KLF8: variants seen among roughly 807,000 people sequenced by gnomAD.
The protein encoded by KLF8 is KLF transcription factor 8.
Under a neutral mutation model 18.2 loss-of-function variants are expected in KLF8, and 10 were observed. The ratio of observed to expected loss-of-function variants is 0.55; its 90% CI spans 0.34 to 0.93. KLF8 has a LOEUF of 0.93. Among genes scored for constraint, KLF8 ranks in the 40% least tolerant of loss-of-function variants. The pLI, the probability that KLF8 is intolerant of heterozygous loss-of-function variation, is 0.02. For synonymous variants in KLF8, 109 were observed against 97.3 expected, an observed-to-expected ratio of 1.12 and a Z score of -0.71; for missense variants, 264 against 277.9, an observed-to-expected ratio of 0.95 and a Z score of 0.36.
chrX:56,168,686 C>T, the KLF8 span, among the ~76,000 whole-genome samples: 2 of 101,945 alleles, frequency 2.0e-5, no homozygotes, highest in African/African-American at 7.2e-5. Context: ...TGTGATGTTC[C>T]CTGTCTTGTG....
the KLF8 span, among the ~76,000 whole-genome samples, chrX:56,016,415 A>G: frequency 7.2e-5 from 8 of 111,701 alleles, no homozygotes; most frequent in Non-Finnish European, 1.5e-4. Context: ...AAATGTAATA[A>G]CTCCTGGTGA....
At chrX:55,977,409 T>C in the KLF8 span, among the ~76,000 whole-genome samples, 1 of 111,589 alleles carries the variant, frequency 9.0e-6, no homozygotes, top group Admixed American at 9.6e-5. Context: ...TTATTTATAA[T>C]TTTATTTATT....
At chrX:56,078,476 A>C in the KLF8 span, among the ~76,000 whole-genome samples, 3 of 111,883 alleles carry the variant, frequency 2.7e-5, no homozygotes, top group African/African-American at 9.8e-5. Flanking sequence ...CCAGCCTTGC[A>C]TCCCAGGGAT....
At chrX:55,996,771 G>A in the KLF8 span, among the ~76,000 whole-genome samples, 4 of 112,086 alleles carry the variant, frequency 3.6e-5, no homozygotes, top group South Asian at 7.4e-4. Context: ...GCTGGCAAGA[G>A]CACTCCAGTG....
At chrX:56,172,024 T>A in the KLF8 span, among the ~76,000 whole-genome samples, 1 of 111,624 alleles carries the variant, frequency 9.0e-6, no homozygotes, top group Non-Finnish European at 1.9e-5. Flanking sequence ...CCACATCCTC[T>A]CTAGCACCTG....
rs1263098289 is a variant in KLF8, at chrX:56,291,066, G to T, written c.*6572G>T. Among the ~76,000 whole-genome samples the T allele has an allele frequency of 9.0e-6, 1 of 111,555 alleles. No homozygotes were observed. ...GGTGTCCATCCCTGTTTTTTGACAG[G>T]CAGTCACACAGGTGAGCAGTGCCAG... On this transcript the variant is annotated 3_prime_UTR_variant, in exon 6 of 6. Transcript: ENST00000468660.
the KLF8 span, among the ~76,000 whole-genome samples, chrX:55,959,964 G>A: frequency 3.6e-5 from 4 of 110,958 alleles, 1 homozygote; most frequent in Non-Finnish European, 5.7e-5. Flanking sequence ...CAGTTAACAT[G>A]AAAGAAAAAA....
chrX:56,263,873 A>C (rs771743072), intron 2 of KLF8, among the ~76,000 whole-genome samples: 32 of 112,142 alleles, frequency 2.9e-4, no homozygotes, highest in Non-Finnish European at 1.3e-4. Flanking sequence ...TCACAGAAAT[A>C]GTTCTTCCCT....
intron 2 of KLF8, among the ~76,000 whole-genome samples, chrX:56,251,596 G>A (rs1226855759): frequency 9.1e-6 from 1 of 109,580 alleles, no homozygotes; most frequent in African/African-American, 3.3e-5. Context: ...CTGAGTAGCT[G>A]GGACTACAGG....
chrX:55,921,199 C>T, the KLF8 span, among the ~76,000 whole-genome samples: 1 of 112,155 alleles, frequency 8.9e-6, no homozygotes, highest in African/African-American at 3.2e-5. Context: ...ATTAATTCAT[C>T]TTGAGTCAAT....
At chrX:56,104,525 G>A in the KLF8 span, among the ~76,000 whole-genome samples, 1 of 111,729 alleles carries the variant, frequency 9.0e-6, no homozygotes, top group Non-Finnish European at 1.9e-5. Flanking sequence ...AGTATTCTCT[G>A]ATGGTACTTT....
At chrX:56,234,216 T>A (rs2066443693) in intron 1 of KLF8, among the ~76,000 whole-genome samples, 1 of 112,079 alleles carries the variant, frequency 8.9e-6, no homozygotes, top group Non-Finnish European at 1.9e-5. Flanking sequence ...TGGTAATAAT[T>A]GAGCAAAAAG....
At chrX:55,989,635 T>C in the KLF8 span, among the ~76,000 whole-genome samples, 7 of 111,664 alleles carry the variant, frequency 6.3e-5, no homozygotes, top group Admixed American at 4.7e-4. Flanking sequence ...TGCATCGATG[T>C]TCGTCGGGGA....
At chrX:56,036,346 G>T in the KLF8 span, among the ~76,000 whole-genome samples, 2 of 111,359 alleles carry the variant, frequency 1.8e-5, no homozygotes, top group Non-Finnish European at 3.8e-5. Flanking sequence ...ATTTTCAGTG[G>T]ACTTTTGTAT....
intron 2 of KLF8, among the ~76,000 whole-genome samples, chrX:56,253,406 C>T (rs753408524): frequency 8.9e-6 from 1 of 111,961 alleles, no homozygotes; most frequent in Non-Finnish European, 1.9e-5. Context: ...AGATAGGGTT[C>T]TGGTTTCATT....
the KLF8 span, among the ~76,000 whole-genome samples, chrX:55,960,319 C>G: frequency 2.7e-5 from 3 of 111,266 alleles, no homozygotes; most frequent in African/African-American, 9.8e-5. Context: ...GAGTTCAAAA[C>G]CAGCCTGACC....
At chrX:55,933,818 C>T in the KLF8 span, among the ~76,000 whole-genome samples, 3,981 of 111,562 alleles carry the variant, frequency 0.036, 161 homozygotes, top group African/African-American at 0.12. Flanking sequence ...TTTCTACTTA[C>T]CAAGTATAAC....
At chrX:56,041,588 A>G in the KLF8 span, among the ~76,000 whole-genome samples, 3 of 105,816 alleles carry the variant, frequency 2.8e-5, no homozygotes, top group African/African-American at 1.0e-4. Context: ...GTCTTCTGTT[A>G]GCTTTGGGAT....
At chrX:56,188,087 C>G in the KLF8 span, among the ~76,000 whole-genome samples, 1 of 110,651 alleles carries the variant, frequency 9.0e-6, no homozygotes, top group Non-Finnish European at 1.9e-5. Context: ...TCAAATTGTC[C>G]CTGTTTGCAG....
Sources: gnomAD v4.1 joint callset for allele counts (sites outside exome capture counted in the v4.1 genomes callset) on GRCh38, gnomAD v4.1.1 for gene constraint, MANE v1.5 for transcripts, NCBI Gene and HGNC (gene_info 2026-07-23, HGNC 2026-07-21) for gene names.